The following CLUH variants were observed in gnomAD, a reference collection of about 807,000 sequenced individuals.
CLUH encodes the protein clustered mitochondria protein homolog.
A neutral mutation model predicts 139.3 loss-of-function variants in CLUH; 77 were observed. The ratio of observed to expected loss-of-function variants is 0.55; its 90% CI spans 0.46 to 0.67. The LOEUF is 0.67. Ranked by LOEUF, CLUH falls within the 30% of genes least tolerant of loss-of-function variation. The pLI, the probability that CLUH is intolerant of heterozygous loss-of-function variation, is 0.00. For synonymous variants in CLUH, 999 were observed against 801.6 expected, an observed-to-expected ratio of 1.25 and a Z score of -4.16; for missense variants, 1,876 against 1,875.8, an observed-to-expected ratio of 1.00 and a Z score of 0.00.
Position 2,711,597 on chromosome 17 carries a change from G to C in CLUH, c.65C>G (p.Ser22Trp). The C allele has an allele frequency of 1.0e-6, 1 of 983,476 alleles. No individual in the cohort carries two copies. The highest frequency in any genetic ancestry group is 1.2e-6 in the Non-Finnish European group (1 of 829,308). The allele number at this position is 983,476 out of a possible 1,614,324, so 60.9% of individuals were successfully genotyped here. The change falls in exon 1 of 26, where the codon TCG (serine) becomes TGG (tryptophan). Residue 22 changes from serine to tryptophan, a missense_variant. Physicochemically the swap from Ser to Trp is radical, Grantham distance 177. Transcript: ENST00000651024. Reference protein sequence around the residue: ...APADSAREHGSQAGGKGRPGA... With the variant: ...APADSAREHGWQAGGKGRPGA... Reference sequence around the variant, plus strand: ...CGGCCGCCCCTTGCCCCCGGCCTGCGAGCCGTGTTCCCGGGCGCTGTCGGC... The same window carrying C: ...CGGCCGCCCCTTGCCCCCGGCCTGCCAGCCGTGTTCCCGGGCGCTGTCGGC...
At position 2,697,969 on chromosome 17, in the gene CLUH, C is replaced by T. The variant is rs781586263; in HGVS notation, c.1888G>A (p.Gly630Ser). 41 of 1,574,792 alleles carry T rather than the reference C, an allele frequency of 2.6e-5. No homozygotes were observed. Among genetic ancestry groups the T allele is most frequent in the Non-Finnish European group, 3.4e-5 (40 of 1,166,214 alleles). ...TTGTGCCGGTGGGCGCGGGGGAAGC[C>T]GGCGCGGGCGCATTCCTCAGGCAGC... Reference protein sequence around the residue: ...EELPEECARAGFPRAHRHKLC... With the variant: ...EELPEECARASFPRAHRHKLC... Residue 630 changes from glycine (G) to serine (S), a missense_variant, in exon 10 of 26, where the codon GGC becomes AGC. Physicochemically the swap from Gly to Ser is moderately conservative, Grantham distance 56. Around this residue, in one of 3 missense-constraint regions of CLUH, gnomAD observed 1,454 missense variants for 1,384.4 expected, o/e 1.05. Coordinates refer to ENST00000651024, the MANE Select transcript of CLUH (RefSeq NM_001366661.1).
At chr17:2,705,017 G>C (rs537045979) in intron 1 of CLUH, among the ~76,000 whole-genome samples, 2 of 152,150 alleles carry the variant, frequency 1.3e-5, no homozygotes, top group African/African-American at 4.8e-5. Context: ...GCAGGGGAGT[G>C]CCTAGGCCCA....
intron 16 of CLUH, 52 bp from the exon 17 acceptor site, chr17:2,694,616 A>T: frequency 7.1e-7 from 1 of 1,413,806 alleles, no homozygotes; most frequent in African/African-American, 1.6e-5. Context: ...GGGCCCCCCC[A>T]ACACCGCCCC....
At chr17:2,709,260 T>C (rs535530199) in intron 1 of CLUH, among the ~76,000 whole-genome samples, 1 of 152,154 alleles carries the variant, frequency 6.6e-6, no homozygotes, top group Admixed American at 6.5e-5. Flanking sequence ...CAGCAGGAAG[T>C]AGGGTCCGAA....
intron 9 of CLUH, among the ~76,000 whole-genome samples, chr17:2,699,677 G>T (rs1444522813): frequency 1.3e-5 from 2 of 150,964 alleles, no homozygotes; most frequent in Non-Finnish European, 2.9e-5. Flanking sequence ...TGTCGCCCAG[G>T]CTGGAGTGCA....
intron 23 of CLUH, 22 bp downstream of exon 23, chr17:2,691,978 GCCCC>G: frequency 1.0e-5 from 5 of 489,670 alleles, no homozygotes; most frequent in South Asian, 1.5e-4. Context: ...CCCCGCCCCC[GCCCC>G]CGCCACGCCC....
rs2070371462 is a variant in CLUH at position 2,707,014 on chromosome 17, G to C, written c.101-2450C>G. ...TACCTATTCCCTATCCCGTTTCAAA[G>C]GAATGCAGCTGGCTCCCAAGGGGCC... On this transcript the variant is annotated intron_variant, in intron 1 of 25. Coordinates refer to ENST00000651024, the MANE Select transcript of CLUH (RefSeq NM_001366661.1). This position sits in a 1 kb window ranked among gnomAD's most constrained non-coding sequence, Gnocchi z 7.4. Among the ~76,000 whole-genome samples, 1 of 152,180 alleles carries C rather than the reference G, an allele frequency of 6.6e-6. No homozygotes were observed. Among genetic ancestry groups the C allele is most frequent in the Non-Finnish European group, 1.5e-5 (1 of 68,018 alleles).
At chr17:2,696,032 G>A (rs186055833) in intron 13 of CLUH, 127 bp downstream of exon 13, 16 of 743,660 alleles carry the variant, frequency 2.2e-5, no homozygotes, top group Non-Finnish European at 3.4e-5. Flanking sequence ...AAACGGGGAT[G>A]CCCACTCAGG....
rs913659959 is a variant in CLUH, at chr17:2,690,461, C to T, written c.*133G>A. 7.4e-5 allele frequency: 57 copies of T among 773,430 alleles called. No individual in the cohort carries two copies. Among genetic ancestry groups the T allele is most frequent in the Non-Finnish European group, 9.8e-5 (53 of 539,902 alleles). 47.9% of individuals were successfully genotyped at this position (773,430 alleles called of 1,614,324 possible). ...GGCAGGCCAGGCTCCCAGGAGGACA[C>T]GGGGGTGGGGTGGGGTGAGACGTGG... On this transcript the variant is annotated 3_prime_UTR_variant, in exon 26 of 26. Coordinates refer to ENST00000651024, the MANE Select transcript of CLUH (RefSeq NM_001366661.1).
chr17:2,695,934 G>C, intron 13 of CLUH: 1 of 594,826 alleles, frequency 1.7e-6, no homozygotes, highest in South Asian at 2.0e-5. Flanking sequence ...CCAGGGCTCA[G>C]AAGACTGGAT....
At chr17:2,697,783 C>T in intron 10 of CLUH, 113 bp downstream of exon 10, 1 of 1,014,366 alleles carries the variant, frequency 9.9e-7, no homozygotes, top group Non-Finnish European at 1.4e-6. Flanking sequence ...TAGACGGAGC[C>T]CTTCTTCACT....
intron 1 of CLUH, among the ~76,000 whole-genome samples, chr17:2,710,030 C>T (rs1259395824): frequency 1.3e-5 from 2 of 151,606 alleles, no homozygotes; most frequent in Non-Finnish European, 2.9e-5. Context: ...AACAGACGCT[C>T]GTCAGCCCCC....
At chr17:2,692,215 G>C in intron 22 of CLUH, 118 bp from the exon 23 acceptor site, 2 of 1,442,204 alleles carry the variant, frequency 1.4e-6, no homozygotes, top group Admixed American at 4.1e-5. Context: ...GAGGGGAACA[G>C]CAAGTCCAGG....
rs370028402 is a variant in CLUH, at chr17:2,706,611, C to T, written c.101-2047G>A. The stretch of plus-strand genomic sequence containing the variant: ...CCAGGAAGGGCACCCCCAATCCCCT[C>T]GCACGTGAGCAGCCCCACACACCTG... On this transcript the variant is annotated intron_variant, in intron 1 of 25. Transcript: ENST00000651024. The surrounding 1 kb of genome is among the most constrained non-coding windows in gnomAD (Gnocchi z 4.6). Among the ~76,000 whole-genome samples, 1 of 151,962 alleles carries T rather than the reference C, an allele frequency of 6.6e-6. No homozygotes were observed. The highest frequency in any genetic ancestry group is 2.4e-5 in the African/African-American group (1 of 41,368).
At chr17:2,692,972 C>T in intron 19 of CLUH, 112 bp from the exon 20 acceptor site, 1 of 1,056,120 alleles carries the variant, frequency 9.5e-7, no homozygotes. Context: ...CCTGTCCCCT[C>T]CGGCTGCGCC....
At chr17:2,701,552 C>A in intron 5 of CLUH, 32 bp from the exon 6 acceptor site, 1 of 1,613,014 alleles carries the variant, frequency 6.2e-7, no homozygotes. Flanking sequence ...AGGGGCCAGG[C>A]CTCTGGTGTG....
intron 13 of CLUH, 66 bp downstream of exon 13, chr17:2,696,093 C>A: frequency 7.6e-7 from 1 of 1,309,842 alleles, no homozygotes; most frequent in Non-Finnish European, 1.1e-6. Flanking sequence ...GCCTCCAAGT[C>A]GGAGACAGAT....
rs762101736 is a variant in CLUH at position 2,698,170 on chromosome 17, T to C, written c.1687A>G (p.Ser563Gly). 82 of 1,575,264 alleles carry C rather than the reference T, an allele frequency of 5.2e-5. No individual in the cohort carries two copies. Among genetic ancestry groups the C allele is most frequent in the Non-Finnish European group, 7.0e-5 (81 of 1,161,564 alleles). ...TGCCGCAGGATCTTGAGGGGCCGAC[T>C]CGTGCGCTCCAGCAGCTCCAGGTAC... The part of the protein sequence containing the change: ...PRYLELLERT[S>G]RPLKILRHQV... Residue 563 changes from serine (S) to glycine (G), a missense_variant, in exon 10 of 26, where the codon AGT becomes GGT. Physicochemically the swap from Ser to Gly is moderately conservative, Grantham distance 56. This residue lies in a region of CLUH where 1,454 missense variants were observed against 1,384.4 expected (regional missense o/e 1.05). Coordinates refer to ENST00000651024, the MANE Select transcript of CLUH (RefSeq NM_001366661.1).
At chr17:2,697,184 G>A (rs903469233) in intron 10 of CLUH, among the ~76,000 whole-genome samples, 1 of 152,212 alleles carries the variant, frequency 6.6e-6, no homozygotes, top group African/African-American at 2.4e-5. Flanking sequence ...GATCACTTGA[G>A]GTTGGGAGTT....
Sources: gnomAD v4.1 joint callset for allele counts (sites outside exome capture counted in the v4.1 genomes callset) on GRCh38, gnomAD v4.1.1 for gene constraint, gnomAD v4.1.1 regional missense constraint, Gnocchi (gnomAD v3.1) non-coding constraint, MANE v1.5 for transcripts, NCBI Gene and HGNC (gene_info 2026-07-23, HGNC 2026-07-21) for gene names.